The following PHACTR1 variants were observed in gnomAD, a reference collection of about 807,000 sequenced individuals.
PHACTR1 encodes RPEL repeat containing 1.
Under a neutral mutation model 69.2 loss-of-function variants are expected in PHACTR1, and 16 were observed. The ratio of observed to expected loss-of-function variants is 0.23; its 90% CI spans 0.16 to 0.35. The LOEUF is 0.35. Among genes scored for constraint, PHACTR1 ranks in the 10% least tolerant of loss-of-function variants. PHACTR1 has a pLI of 1.00. For missense variants in PHACTR1, 510 were observed against 734.7 expected, an observed-to-expected ratio of 0.69 and a Z score of 3.54; for synonymous variants, 312 against 284.5, an observed-to-expected ratio of 1.10 and a Z score of -0.97.
At chr6:12,970,843 A>T (rs1324412715) in intron 4 of PHACTR1, among the ~76,000 whole-genome samples, 1 of 152,228 alleles carries the variant, frequency 6.6e-6, no homozygotes, top group Non-Finnish European at 1.5e-5. Flanking sequence ...CTAATTAAAC[A>T]TTACAATTAA....
In PHACTR1 at chr6:12,868,648, AAG is replaced by A. The variant is rs1245362859; in HGVS notation, c.250+118862_250+118863del. Among the ~76,000 whole-genome samples, 6 of 152,182 alleles carry A rather than the reference AAG, an allele frequency of 3.9e-5. No homozygotes were observed. The South Asian group carries it at 1.2e-3, about 32-fold the overall frequency. ...AATGGGAAAGGGTGAGGAGAGGGGA[AAG>A]AGAAGAAAGTTGTCAAATTCTTTCT... On this transcript the variant is annotated intron_variant, in intron 4 of 14. Coordinates refer to ENST00000332995, the MANE Select transcript of PHACTR1 (RefSeq NM_030948.6).
At chr6:13,232,776 G>T (rs1771426221) in intron 10 of PHACTR1, among the ~76,000 whole-genome samples, 1 of 152,068 alleles carries the variant, frequency 6.6e-6, no homozygotes, top group South Asian at 2.1e-4. Flanking sequence ...GGTGGGTGTG[G>T]TTCTGGGCTA....
intron 4 of PHACTR1, among the ~76,000 whole-genome samples, chr6:12,760,218 T>C (rs183657275): frequency 6.6e-6 from 1 of 152,274 alleles, no homozygotes; most frequent in East Asian, 1.9e-4. Context: ...ACCAAATGAG[T>C]TACAAATTCA....
chr6:13,113,317 T>C (rs894647999), intron 5 of PHACTR1, among the ~76,000 whole-genome samples: 6 of 152,094 alleles, frequency 3.9e-5, no homozygotes, highest in African/African-American at 1.4e-4. Context: ...ATAAATTGAA[T>C]CATTAGATAG....
chr6:13,118,987 A>G (rs1466531905), intron 5 of PHACTR1, among the ~76,000 whole-genome samples: 1 of 152,188 alleles, frequency 6.6e-6, no homozygotes, highest in Non-Finnish European at 1.5e-5. Context: ...TATGAGTCAA[A>G]AAGCACCTAG....
In PHACTR1 at chr6:13,177,172, T is replaced by TAAAAAAAAAAAAAA. The variant is rs530741132; in HGVS notation, c.497-5329_497-5316dup. Among the ~76,000 whole-genome samples, 16 of 63,366 alleles carry TAAAAAAAAAAAAAA rather than the reference T, an allele frequency of 2.5e-4. 3 individuals carry two copies. The highest frequency in any genetic ancestry group is 1.5e-3 in the African/African-American group (15 of 9,786). 41.6% of individuals were successfully genotyped at this position (63,366 alleles called of 152,430 possible). A position where few individuals can be genotyped will look rare whatever the true frequency, so the allele number is the denominator to read the frequency against. ...TGGCAAAATAGCAAGACCCCATCTC[T>TAAAAAAAAAAAAAA]AAAAAAAAAAAAAAAAAAAAAAAAA... On this transcript the variant is annotated intron_variant, in intron 6 of 14. Coordinates refer to ENST00000332995, the MANE Select transcript of PHACTR1 (RefSeq NM_030948.6).
chr6:13,129,254 AAC>A (rs1459168646), intron 5 of PHACTR1, among the ~76,000 whole-genome samples: 2 of 152,200 alleles, frequency 1.3e-5, no homozygotes, highest in African/African-American at 4.8e-5. Context: ...GTGGAAAAAA[AAC>A]ACGAGGTATT....
chr6:13,201,419 C>T (rs948297528), intron 7 of PHACTR1, among the ~76,000 whole-genome samples: 10 of 152,058 alleles, frequency 6.6e-5, no homozygotes, highest in Non-Finnish European at 1.2e-4. Context: ...CCAGAGTGGA[C>T]GAGAGAGATG....
intron 10 of PHACTR1, among the ~76,000 whole-genome samples, chr6:13,252,069 GA>G (rs1774501359): frequency 6.9e-6 from 1 of 144,902 alleles, no homozygotes; most frequent in African/African-American, 2.5e-5. Context: ...AAAAAAAAAA[GA>G]AAGAAAGAAA....
intron 3 of PHACTR1, among the ~76,000 whole-genome samples, chr6:12,738,843 C>T (rs912544171): frequency 1.3e-5 from 2 of 152,110 alleles, no homozygotes; most frequent in South Asian, 2.1e-4. Flanking sequence ...CCAGCCTGGG[C>T]GACAAGAGTG....
intron 4 of PHACTR1, among the ~76,000 whole-genome samples, chr6:12,943,536 T>C (rs114989124): frequency 6.6e-6 from 1 of 152,204 alleles, no homozygotes; most frequent in Admixed American, 6.5e-5. Flanking sequence ...TCTGCCACAA[T>C]GGAAAGAAAA....
Position 12,950,195 on chromosome 6 carries a change from A to G in PHACTR1, c.251-103170A>G, listed in dbSNP as rs1333427605. Among the ~76,000 whole-genome samples, 4 of 152,382 alleles carry G rather than the reference A, an allele frequency of 2.6e-5. No homozygotes were observed. The South Asian group carries it at 8.3e-4, about 32-fold the overall frequency. On this transcript the variant is annotated intron_variant, in intron 4 of 14. Transcript: ENST00000332995. Reference sequence around the variant, plus strand: ...AACTGTTGAAGGGTGGGGCTGGAGCATCTGGGAACTCTCTGGTCCCTCCAT... The same window carrying G: ...AACTGTTGAAGGGTGGGGCTGGAGCGTCTGGGAACTCTCTGGTCCCTCCAT...
intron 5 of PHACTR1, among the ~76,000 whole-genome samples, chr6:13,130,938 A>G (rs1242177572): frequency 6.6e-6 from 1 of 152,138 alleles, no homozygotes; most frequent in Non-Finnish European, 1.5e-5. Context: ...ATCCAATTGC[A>G]TATCAAAAAG....
intron 4 of PHACTR1, among the ~76,000 whole-genome samples, chr6:12,955,949 G>T (rs956645863): frequency 6.6e-6 from 1 of 152,148 alleles, no homozygotes; most frequent in African/African-American, 2.4e-5. Flanking sequence ...TAGTTACAAA[G>T]TGTTTTGAAA....
At chr6:12,990,081 A>G (rs776564578) in intron 4 of PHACTR1, among the ~76,000 whole-genome samples, 49 of 152,258 alleles carry the variant, frequency 3.2e-4, no homozygotes, top group Non-Finnish European at 5.3e-4. Flanking sequence ...TTATTGTCCC[A>G]TATTTTTATA....
chr6:13,087,664 T>TC (rs1812529637), intron 5 of PHACTR1, among the ~76,000 whole-genome samples: 1 of 151,920 alleles, frequency 6.6e-6, no homozygotes, highest in African/African-American at 2.4e-5. Flanking sequence ...TTTTTTTTTT[T>TC]GAAACAGGGT....
chr6:12,894,032 G>A (rs961875112), intron 4 of PHACTR1, among the ~76,000 whole-genome samples: 8 of 152,168 alleles, frequency 5.3e-5, no homozygotes, highest in African/African-American at 1.9e-4. Flanking sequence ...GCTGACTGTG[G>A]GATTTTTATT....
intron 5 of PHACTR1, among the ~76,000 whole-genome samples, chr6:13,123,688 C>T (rs1819089551): frequency 6.6e-6 from 1 of 152,144 alleles, no homozygotes. Flanking sequence ...ATGTGCATAA[C>T]CATTCTTCTG....
intron 4 of PHACTR1, among the ~76,000 whole-genome samples, chr6:13,015,542 A>T (rs1800057374): frequency 6.6e-6 from 1 of 152,238 alleles, no homozygotes; most frequent in Non-Finnish European, 1.5e-5. Context: ...CTTGAGATGC[A>T]GGCTAAAATG....
Sources: allele counts gnomAD v4.1 joint callset (sites outside exome capture counted in the v4.1 genomes callset), GRCh38; gene constraint gnomAD v4.1.1; transcripts MANE v1.5; gene names NCBI Gene and HGNC (gene_info 2026-07-23, HGNC 2026-07-21).